Variants in ATMIN observed in about 807,000 individuals in gnomAD.
The protein encoded by ATMIN is ATM interactor, also known as ATM INteracting protein.
In ATMIN, 24 loss-of-function variants were observed where a neutral mutation model predicts 49.2. The observed-to-expected ratio is 0.49, with a 90% CI of 0.35 to 0.69. The LOEUF (loss-of-function observed/expected upper bound fraction) is 0.69, where lower values mean the gene tolerates loss of function less well. Among genes scored for constraint, ATMIN ranks in the 30% least tolerant of loss-of-function variants. The pLI, the probability that ATMIN is intolerant of heterozygous loss-of-function variation, is 0.00. For synonymous variants in ATMIN, 450 were observed against 392.5 expected (o/e 1.15, Z -1.73); for missense variants, 1,037 against 1,005.5 (o/e 1.03, Z -0.42).
At chr16:81,036,302 C>T in intron 1 of ATMIN, 96 bp downstream of exon 1, 6 of 1,065,360 alleles carry the variant, frequency 5.6e-6, no homozygotes, top group African/African-American at 1.7e-5. Flanking sequence ...GGGACGAGCG[C>T]CCTGCGCGCT....
In ATMIN at chr16:81,044,652, G is replaced by C. The variant is rs1971089841; in HGVS notation, c.2154G>C (p.Leu718=). The change falls in exon 4 of 4, where the codon CTG becomes CTC. Residue 718 remains leucine, a synonymous_variant. Transcript: ENST00000299575. ...LNFFLDSSPH[L]PLGSILKHSS... is the part of the protein sequence containing the mutation. Reference sequence around the variant, plus strand: ...TTTTCTTAGACAGTAGCCCTCATCTGCCTCTGGGAAGTATTCTGAAACACT... The same window carrying C: ...TTTTCTTAGACAGTAGCCCTCATCTCCCTCTGGGAAGTATTCTGAAACACT... 3 of 1,614,056 alleles carry C rather than the reference G, an allele frequency of 1.9e-6. No individual in the cohort carries two copies. The highest frequency in any genetic ancestry group is 2.2e-5 in the South Asian group (2 of 91,082).
chr16:81,045,096 T>C lies in ATMIN; in HGVS notation c.*126T>C, dbSNP rs1301824726. On this transcript the variant is annotated 3_prime_UTR_variant, in exon 4 of 4. Coordinates refer to ENST00000299575, the MANE Select transcript of ATMIN (RefSeq NM_015251.3). ...ATGATGCAGTTGCTTAGCTTCTTTGTGTTTCTTTGCCTTTTGTACTTGTAA... is the reference window on the plus strand; with the variant it reads ...ATGATGCAGTTGCTTAGCTTCTTTGCGTTTCTTTGCCTTTTGTACTTGTAA... The C allele has an allele frequency of 7.8e-7, 1 of 1,289,512 alleles. No homozygotes were observed. 79.9% of individuals were successfully genotyped at this position (1,289,512 alleles called of 1,614,324 possible).
At chr16:81,036,285 CCTCGGGGG>C in intron 1 of ATMIN, 79 bp downstream of exon 1, 1 of 1,102,824 alleles carries the variant, frequency 9.1e-7, no homozygotes, top group Non-Finnish European at 1.1e-6. Flanking sequence ...GCGAAGCCGG[CCTCGGGGG>C]GACGAGCGCC....
intron 1 of ATMIN, chr16:81,041,089 G>A (rs1403848354): frequency 5.7e-6 from 2 of 351,672 alleles, no homozygotes; most frequent in Admixed American, 9.2e-5. Context: ...GAACATACAA[G>A]GGGGGCATCT....
In ATMIN at chr16:81,044,940, T is replaced by C; in HGVS notation, c.2442T>C (p.Ser814=). 7 of 1,613,884 alleles carry C rather than the reference T, an allele frequency of 4.3e-6. No homozygotes were observed. The highest frequency in any genetic ancestry group is 5.9e-6 in the Non-Finnish European group (7 of 1,179,764). The change falls in exon 4 of 4, where the codon TCT becomes TCC. Residue 814 remains serine, a synonymous_variant. Coordinates refer to ENST00000299575, the MANE Select transcript of ATMIN (RefSeq NM_015251.3). ...TCAGCTCTGTAGAAACCCAGACTTC[T>C]GCGGAACCACACACAGTCTCCAACT... ...SQFSSVETQT[S]AEPHTVSNF is the part of the protein sequence containing the mutation.
chr16:81,041,294 C>G, intron 1 of ATMIN, 62 bp from the exon 2 acceptor site: 1 of 1,525,126 alleles, frequency 6.6e-7, no homozygotes, highest in South Asian at 1.3e-5. Context: ...CATTCCGTTT[C>G]CACTCCAGCC....
At chr16:81,041,580 T>C in intron 2 of ATMIN, 99 bp downstream of exon 2, 2 of 1,451,822 alleles carry the variant, frequency 1.4e-6, no homozygotes, top group Non-Finnish European at 1.9e-6. Context: ...GACAGCTGCT[T>C]GTGAGGGGAG....
chr16:81,037,168 A>C (rs2151736435), intron 1 of ATMIN: 1 of 985,470 alleles, frequency 1.0e-6, no homozygotes, highest in Non-Finnish European at 1.2e-6. Context: ...TACAATGGCA[A>C]GTTTCCTTCC....
intron 1 of ATMIN, 124 bp downstream of exon 1, chr16:81,036,330 A>C: frequency 2.1e-6 from 2 of 936,746 alleles, no homozygotes; most frequent in Non-Finnish European, 1.3e-6. Flanking sequence ...CCGCTGCCCC[A>C]CCGGCCTCTG....
chr16:81,046,433 G>C lies in ATMIN; in HGVS notation c.*1463G>C, dbSNP rs1971121885. 1 of 152,046 alleles carries C rather than the reference G, an allele frequency of 6.6e-6. No individual in the cohort carries two copies. The highest frequency in any genetic ancestry group is 2.4e-5 in the African/African-American group (1 of 41,396). 9.4% of individuals were successfully genotyped at this position (152,046 alleles called of 1,614,324 possible). On this transcript the variant is annotated 3_prime_UTR_variant, in exon 4 of 4. Transcript: ENST00000299575. ...TATAGGATAGATTCATCTAAAATAT[G>C]GTATTCTGCATTTTGGTTTTTTTTC...
At chr16:81,041,587 G>GATC (rs1971038857) in intron 2 of ATMIN, 106 bp downstream of exon 2, 6 of 1,414,064 alleles carry the variant, frequency 4.2e-6, no homozygotes, top group Non-Finnish European at 5.7e-6. Context: ...GCTTGTGAGG[G>GATC]GAGATGCCTG....
intron 1 of ATMIN, chr16:81,037,445 A>T (rs1268130394): frequency 1.0e-6 from 1 of 985,364 alleles, no homozygotes; most frequent in Admixed American, 6.1e-5. Flanking sequence ...TCAATTGAAG[A>T]TCAGGGAGCC....
In ATMIN at chr16:81,047,347, A is replaced by C. The variant is rs192888426; in HGVS notation, c.*2377A>C. On this transcript the variant is annotated 3_prime_UTR_variant, in exon 4 of 4. Coordinates refer to ENST00000299575, the MANE Select transcript of ATMIN (RefSeq NM_015251.3). ...ATATGATAAAATGATTTTATTTAATAATACCCAGTTATTTTCATTGTTTTT... is the reference window on the plus strand; with the variant it reads ...ATATGATAAAATGATTTTATTTAATCATACCCAGTTATTTTCATTGTTTTT... The C allele has an allele frequency of 6.6e-6, 1 of 152,306 alleles. No homozygotes were observed. Among genetic ancestry groups the C allele is most frequent in the African/African-American group, 2.4e-5 (1 of 41,568 alleles). 9.4% of individuals were successfully genotyped at this position (152,306 alleles called of 1,614,324 possible).
chr16:81,042,337 G>C lies in ATMIN; in HGVS notation c.519G>C (p.Ser173=), dbSNP rs201679027. The C allele has an allele frequency of 1.9e-6, 3 of 1,613,974 alleles. No individual in the cohort carries two copies. Among genetic ancestry groups the C allele is most frequent in the East Asian group, 2.2e-5 (1 of 44,896 alleles). The change falls in exon 3 of 4, where the codon TCG becomes TCC. Residue 173 remains serine (S), a synonymous_variant. Coordinates refer to ENST00000299575, the MANE Select transcript of ATMIN (RefSeq NM_015251.3). ...KKHKCSKCSN[S]YGTEWDLKRH... ...ACAAATGTAGTAAGTGCAGCAATTCGTACGGTACAGAATGGGACCTGAAAA... is the reference window on the plus strand; with the variant it reads ...ACAAATGTAGTAAGTGCAGCAATTCCTACGGTACAGAATGGGACCTGAAAA...
intron 1 of ATMIN, among the ~76,000 whole-genome samples, chr16:81,036,825 A>G (rs1257672086): frequency 1.3e-5 from 2 of 152,214 alleles, no homozygotes; most frequent in Non-Finnish European, 2.9e-5. Flanking sequence ...CATGCTGCAC[A>G]CCGCACCCCA....
chr16:81,037,650 T>A (rs1240222056), intron 1 of ATMIN, among the ~76,000 whole-genome samples: 1 of 152,244 alleles, frequency 6.6e-6, no homozygotes, highest in Non-Finnish European at 1.5e-5. Context: ...TTTTGTTTGT[T>A]TTTGAGACAG....
In ATMIN at chr16:81,043,893, C is replaced by T. The variant is rs1971077081; in HGVS notation, c.1395C>T (p.Ser465=). The T allele has an allele frequency of 2.5e-6, 4 of 1,614,068 alleles. No individual in the cohort carries two copies. Among genetic ancestry groups the T allele is most frequent in the Non-Finnish European group, 8.5e-7 (1 of 1,180,036 alleles). ...ISVHTQTFLP[S]SKVTSSIAAQ... ...TTCACACTCAGACATTTTTGCCCAG[C>T]TCTAAGGTAACTTCATCTATAGCTG... The change falls in exon 4 of 4, where the codon AGC becomes AGT. Residue 465 remains serine (S), a synonymous_variant. Coordinates refer to ENST00000299575, the MANE Select transcript of ATMIN (RefSeq NM_015251.3).
rs149138478 is a variant in ATMIN, at chr16:81,043,420, G to A, written c.922G>A (p.Val308Met). ...KPKVALVKLP[V>M]MQFSVMPVFV... ...CAAAGTGGCTTTGGTTAAACTACCC[G>A]TGATGCAGTTTTCTGTCATGCCTGT... The change falls in exon 4 of 4, where the codon GTG becomes ATG. Residue 308 changes from valine (V) to methionine (M), a missense_variant. Val to Met is a conservative substitution (Grantham distance 21). Transcript: ENST00000299575. 3.0e-5 allele frequency: 49 copies of A among 1,613,158 alleles called. No homozygotes were observed. The highest frequency in any genetic ancestry group is 2.8e-4 in the African/African-American group (21 of 74,616).
intron 1 of ATMIN, among the ~76,000 whole-genome samples, chr16:81,038,952 CG>C (rs947543307): frequency 6.6e-6 from 1 of 152,170 alleles, no homozygotes; most frequent in African/African-American, 2.4e-5. Flanking sequence ...TGCTCCACCA[CG>C]CCCGACTAAT....
Sources: allele counts gnomAD v4.1 joint callset (sites outside exome capture counted in the v4.1 genomes callset), GRCh38; gene constraint gnomAD v4.1.1; transcripts MANE v1.5; gene names NCBI Gene and HGNC (gene_info 2026-07-23, HGNC 2026-07-21).